The following TRHDE variants were observed in gnomAD, a reference collection of about 807,000 sequenced individuals.
TRHDE encodes the protein thyrotropin releasing hormone degrading enzyme.
Under a neutral mutation model 125.7 loss-of-function variants are expected in TRHDE, and 72 were observed. That is an observed-to-expected ratio of 0.57 (90% confidence interval 0.47 to 0.70). TRHDE has a LOEUF of 0.70. Ranked by LOEUF, TRHDE falls within the 30% of genes least tolerant of loss-of-function variation. TRHDE has a pLI of 0.00. For synonymous variants in TRHDE, 509 were observed against 509.1 expected (o/e 1.00, Z 0.00); for missense variants, 1,110 against 1,327.1 (o/e 0.84, Z 2.54).
At chr12:72,304,927 G>C (rs956877813) in intron 2 of TRHDE, among the ~76,000 whole-genome samples, 1 of 152,106 alleles carries the variant, frequency 6.6e-6, no homozygotes, top group Non-Finnish European at 1.5e-5. Flanking sequence ...TAGGGTTATA[G>C]GTTGTAGATA....
At chr12:72,399,889 T>C (rs944877851) in intron 3 of TRHDE, among the ~76,000 whole-genome samples, 3 of 152,144 alleles carry the variant, frequency 2.0e-5, no homozygotes, top group Admixed American at 2.0e-4. Context: ...TTTTCTGTGG[T>C]CTATTTTAAA....
At chr12:72,166,812 A>C (rs1445099187) in intron 2 of TRHDE, among the ~76,000 whole-genome samples, 1 of 152,138 alleles carries the variant, frequency 6.6e-6, no homozygotes, top group Non-Finnish European at 1.5e-5. Flanking sequence ...TTAATGAAAG[A>C]CAGAGGAGAA....
Position 72,658,586 on chromosome 12 carries a change from G to T in TRHDE, c.3066+1578G>T, listed in dbSNP as rs1280832702. 3.3e-5 allele frequency among the ~76,000 whole-genome samples: 5 copies of T among 152,158 alleles called. No homozygotes were observed. The South Asian group carries it at 8.3e-4, about 25-fold the overall frequency. On this transcript the variant is annotated intron_variant, in intron 18 of 18. Transcript: ENST00000261180. ...CTTGGTATTACCCAGGCTATGAAAA[G>T]AAAATATTTTAGACATTTAATTGAT...
chr12:72,594,143 G>A (rs561692649), intron 12 of TRHDE, among the ~76,000 whole-genome samples: 1 of 152,086 alleles, frequency 6.6e-6, no homozygotes. Flanking sequence ...CAGTGTAAAA[G>A]CATTCCTATT....
chr12:72,587,714 G>A (rs1425167044), intron 12 of TRHDE, among the ~76,000 whole-genome samples: 1 of 151,902 alleles, frequency 6.6e-6, no homozygotes, highest in Non-Finnish European at 1.5e-5. Flanking sequence ...TGAGAGATAA[G>A]TATTTTATAC....
intron 2 of TRHDE, among the ~76,000 whole-genome samples, chr12:72,162,601 T>C (rs536845389): frequency 5.3e-4 from 80 of 152,338 alleles, no homozygotes; most frequent in African/African-American, 1.8e-3. Flanking sequence ...GCTGTTCAAA[T>C]TTATGTAAGC....
intron 3 of TRHDE, among the ~76,000 whole-genome samples, chr12:72,431,513 A>T (rs1874477145): frequency 6.6e-6 from 1 of 152,158 alleles, no homozygotes; most frequent in South Asian, 2.1e-4. Flanking sequence ...ACATGATGAA[A>T]ATGGAAAAAA....
At chr12:72,133,329 G>T (rs1046003395) in intron 2 of TRHDE, among the ~76,000 whole-genome samples, 2 of 152,144 alleles carry the variant, frequency 1.3e-5, no homozygotes, top group Non-Finnish European at 2.9e-5. Context: ...TTTCAGAGGA[G>T]AAATCGACAT....
intron 3 of TRHDE, among the ~76,000 whole-genome samples, chr12:72,417,688 A>T (rs1256626194): frequency 6.6e-6 from 1 of 152,048 alleles, no homozygotes; most frequent in African/African-American, 2.4e-5. Context: ...TTTGGTGCAT[A>T]TAATTCATAT....
intron 6 of TRHDE, among the ~76,000 whole-genome samples, chr12:72,511,953 T>C (rs1353160): frequency 0.42 from 64,083 of 152,038 alleles, 16,908 homozygotes; most frequent in African/African-American, 0.74. Flanking sequence ...TTATCCTCTC[T>C]TGTCCCTCTT....
At chr12:72,581,688 G>A (rs749470660) in intron 12 of TRHDE, among the ~76,000 whole-genome samples, 28 of 152,016 alleles carry the variant, frequency 1.8e-4, no homozygotes, top group Non-Finnish European at 3.2e-4. Flanking sequence ...CATGATGAGG[G>A]CAAATTATTT....
intron 2 of TRHDE, among the ~76,000 whole-genome samples, chr12:72,122,031 A>G (rs1335141695): frequency 1.3e-5 from 2 of 151,836 alleles, no homozygotes; most frequent in Non-Finnish European, 2.9e-5. Context: ...GTGGTAAAGG[A>G]TATCTACTAT....
At chr12:72,169,161 G>A (rs1167283904) in intron 2 of TRHDE, among the ~76,000 whole-genome samples, 2 of 149,038 alleles carry the variant, frequency 1.3e-5, no homozygotes, top group Non-Finnish European at 3.0e-5. Flanking sequence ...TTTTAAAGAA[G>A]ACCAAGTGTT....
chr12:72,229,403 C>A (rs770251409), intron 2 of TRHDE, among the ~76,000 whole-genome samples: 3 of 152,170 alleles, frequency 2.0e-5, no homozygotes, highest in Non-Finnish European at 2.9e-5. Context: ...GACCTCCCCT[C>A]CATGATTCAA....
At chr12:72,173,795 A>C (rs968880555) in intron 2 of TRHDE, among the ~76,000 whole-genome samples, 7 of 152,146 alleles carry the variant, frequency 4.6e-5, no homozygotes, top group African/African-American at 1.7e-4. Context: ...GCGCACACAC[A>C]CACACACATT....
chr12:72,240,013 A>G (rs1233218223), intron 2 of TRHDE, among the ~76,000 whole-genome samples: 1 of 152,178 alleles, frequency 6.6e-6, no homozygotes. Context: ...TACTGGAACT[A>G]CTTTTGCGTG....
intron 2 of TRHDE, among the ~76,000 whole-genome samples, chr12:72,190,872 A>G (rs1337793540): frequency 6.6e-6 from 1 of 152,198 alleles, no homozygotes; most frequent in Admixed American, 6.5e-5. Flanking sequence ...CATACTATAT[A>G]AAAATTTGGA....
intron 2 of TRHDE, among the ~76,000 whole-genome samples, chr12:72,362,294 C>T (rs1456280460): frequency 3.3e-5 from 5 of 149,746 alleles, no homozygotes; most frequent in Admixed American, 6.7e-5. Context: ...GGTTTTCATT[C>T]GCATTTCTCT....
chr12:72,416,798 G>A (rs1382055195), intron 3 of TRHDE, among the ~76,000 whole-genome samples: 1 of 152,078 alleles, frequency 6.6e-6, no homozygotes, highest in Non-Finnish European at 1.5e-5. Flanking sequence ...ATAATTTGAA[G>A]TTAGGTAATG....
Sources: gnomAD v4.1 joint callset for allele counts (sites outside exome capture counted in the v4.1 genomes callset) on GRCh38, gnomAD v4.1.1 for gene constraint, MANE v1.5 for transcripts, NCBI Gene and HGNC (gene_info 2026-07-23, HGNC 2026-07-21) for gene names.